Variants in ZNF516 observed in about 807,000 individuals in gnomAD.
ZNF516 encodes zinc finger protein 516.
A neutral mutation model predicts 79.7 loss-of-function variants in ZNF516; 19 were observed. That is an observed-to-expected ratio of 0.24 (90% CI 0.17 to 0.35). The LOEUF (loss-of-function observed/expected upper bound fraction) is 0.35. Ranked by LOEUF, ZNF516 falls within the 10% of genes least tolerant of loss-of-function variation. ZNF516 has a pLI of 1.00. For synonymous variants in ZNF516, 877 were observed against 739.5 expected, an observed-to-expected ratio of 1.19 and a Z score of -3.02; for missense variants, 1,678 against 1,679.5, an observed-to-expected ratio of 1.00 and a Z score of 0.02.
chr18:76,451,597 T>C lies in ZNF516; in HGVS notation c.-157-8386A>G, dbSNP rs1912418068. ...TCTGAAGGACGACTCTCAGACACGG[T>C]TGGTCCCGGCCACAGCTACTACGGG... On this transcript the variant is annotated intron_variant, in intron 2 of 6. Transcript: ENST00000443185. This position sits in a 1 kb window ranked among gnomAD's most constrained non-coding sequence, Gnocchi z 6.0. Among the ~76,000 whole-genome samples, 4 of 152,188 alleles carry C rather than the reference T, an allele frequency of 2.6e-5. No homozygotes were observed. Among genetic ancestry groups the C allele is most frequent in the Admixed American group, 2.0e-4 (3 of 15,282 alleles).
chr18:76,368,878 A>G (rs1383614676), intron 6 of ZNF516, among the ~76,000 whole-genome samples: 2 of 152,220 alleles, frequency 1.3e-5, no homozygotes, highest in Admixed American at 1.3e-4. Context: ...AGAGTTTTTC[A>G]AAGAGGCTTA....
intron 1 of ZNF516, among the ~76,000 whole-genome samples, chr18:76,469,336 A>C (rs1192937194): frequency 6.6e-6 from 1 of 152,200 alleles, no homozygotes; most frequent in Non-Finnish European, 1.5e-5. Flanking sequence ...TTATATCTTT[A>C]TATTTAGAGG....
At chr18:76,418,287 G>A (rs1025050151) in intron 3 of ZNF516, among the ~76,000 whole-genome samples, 12 of 151,266 alleles carry the variant, frequency 7.9e-5, no homozygotes, top group African/African-American at 2.2e-4. Context: ...ACACTGTAAC[G>A]CACTATAACA....
intron 1 of ZNF516, among the ~76,000 whole-genome samples, chr18:76,485,868 TA>T (rs36043507): frequency 0.033 from 4,603 of 138,114 alleles, 203 homozygotes; most frequent in African/African-American, 0.1. Context: ...CTCATTTCTT[TA>T]AAAAAAAAAA....
At chr18:76,408,424 C>A (rs542100829) in intron 3 of ZNF516, among the ~76,000 whole-genome samples, 1 of 152,232 alleles carries the variant, frequency 6.6e-6, no homozygotes, top group Non-Finnish European at 1.5e-5. Context: ...CGGGGTGAAA[C>A]CAGTCACAAG....
At chr18:76,477,441 G>A (rs1416468708) in intron 1 of ZNF516, among the ~76,000 whole-genome samples, 1 of 152,162 alleles carries the variant, frequency 6.6e-6, no homozygotes, top group African/African-American at 2.4e-5. Flanking sequence ...CAATGAGGAA[G>A]CAATTTAACT....
chr18:76,491,674 A>T, intron 1 of ZNF516: 1 of 474,866 alleles, frequency 2.1e-6, no homozygotes, highest in Non-Finnish European at 2.5e-6. Flanking sequence ...CACCGCCCCC[A>T]CCCCGGGGCG....
rs1434202877 is a variant in ZNF516 at position 76,370,533 on chromosome 18, T to C, written c.3427A>G (p.Lys1143Glu). 2 of 1,606,828 alleles carry C rather than the reference T, an allele frequency of 1.2e-6. No individual in the cohort carries two copies. The highest frequency in any genetic ancestry group is 1.7e-6 in the Non-Finnish European group (2 of 1,176,276). ...EVHTTSADAPKQGRDHSNTGT... is the reference protein window; with the variant it reads ...EVHTTSADAPEQGRDHSNTGT... ...CAATTCATCATGAGACCTACTTGTTTGGGGGCGTCTGCGGAGGTGGTATGA... is the reference window on the plus strand; with the variant it reads ...CAATTCATCATGAGACCTACTTGTTCGGGGGCGTCTGCGGAGGTGGTATGA... The change falls in exon 6 of 7, where the codon AAA becomes GAA. Residue 1143 changes from lysine to glutamate, a missense_variant. Around this residue, in one of 5 missense-constraint regions of ZNF516, gnomAD observed 1,294 missense variants for 1,248.3 expected, o/e 1.04. Transcript: ENST00000443185.
chr18:76,381,058 G>A (rs944966099), intron 3 of ZNF516, among the ~76,000 whole-genome samples: 5 of 152,206 alleles, frequency 3.3e-5, no homozygotes, highest in South Asian at 2.1e-4. Flanking sequence ...GGACCTTGAC[G>A]GAGAGCGTGT....
At position 76,422,464 on chromosome 18, in the gene ZNF516, C is replaced by CA. The variant is rs546329509; in HGVS notation, c.1810+18780dup. On this transcript the variant is annotated intron_variant, in intron 3 of 6. Coordinates refer to ENST00000443185, the MANE Select transcript of ZNF516 (RefSeq NM_014643.4). ...AAATGTAGGATTCAGAAATATAGGT[C>CA]AAAAGACAGTTAAAACAACAAGCAC... 3.0e-4 allele frequency among the ~76,000 whole-genome samples: 46 copies of CA among 152,260 alleles called. No individual in the cohort carries two copies. In the East Asian group the frequency reaches 8.7e-3, roughly 29 times the overall value.
At chr18:76,367,362 G>C (rs2074629209) in intron 6 of ZNF516, among the ~76,000 whole-genome samples, 4 of 152,208 alleles carry the variant, frequency 2.6e-5, no homozygotes, top group Admixed American at 2.6e-4. Flanking sequence ...CCCATTCTCA[G>C]TAGCGTGTGA....
chr18:76,383,473 C>T (rs144536991), intron 3 of ZNF516, among the ~76,000 whole-genome samples: 1,386 of 137,636 alleles, frequency 0.01, 48 homozygotes, highest in African/African-American at 0.038. Context: ...CACCAGGCAC[C>T]TTCTCAGCCA....
Position 76,448,062 on chromosome 18 carries a change from C to A in ZNF516, c.-157-4851G>T, listed in dbSNP as rs200096475. ...ACAGGAAGTAAAATGTTTGAAAAAA[C>A]TGTTTACTCATAACATAAAAATACA... On this transcript the variant is annotated intron_variant, in intron 2 of 6. Coordinates refer to ENST00000443185, the MANE Select transcript of ZNF516 (RefSeq NM_014643.4). Among the ~76,000 whole-genome samples, 9 of 152,218 alleles carry A rather than the reference C, an allele frequency of 5.9e-5. No homozygotes were observed. In the East Asian group the frequency reaches 1.5e-3, roughly 26 times the overall value.
At chr18:76,425,070 A>G (rs922546972) in intron 3 of ZNF516, among the ~76,000 whole-genome samples, 1 of 152,134 alleles carries the variant, frequency 6.6e-6, no homozygotes, top group Non-Finnish European at 1.5e-5. Flanking sequence ...TCCCCCTGAA[A>G]AACAGGCAGG....
chr18:76,416,644 A>C (rs1164374650), intron 3 of ZNF516, among the ~76,000 whole-genome samples: 2 of 152,244 alleles, frequency 1.3e-5, no homozygotes, highest in African/African-American at 4.8e-5. Flanking sequence ...CTGAATAGTC[A>C]ATGTGAGGAC....
intron 3 of ZNF516, among the ~76,000 whole-genome samples, chr18:76,383,781 C>G (rs184847661): frequency 6.6e-6 from 1 of 152,356 alleles, no homozygotes; most frequent in South Asian, 2.1e-4. Context: ...TACAGAGAGG[C>G]GCAGGCCCAA....
At chr18:76,490,617 T>C (rs1915116843) in intron 1 of ZNF516, 1 of 322,266 alleles carries the variant, frequency 3.1e-6, no homozygotes, top group Admixed American at 6.5e-5. Flanking sequence ...CTCGGGTCAT[T>C]TTCTTTAATA....
At chr18:76,362,940 A>G (rs1395598670) in intron 6 of ZNF516, among the ~76,000 whole-genome samples, 1 of 152,252 alleles carries the variant, frequency 6.6e-6, no homozygotes, top group Non-Finnish European at 1.5e-5. Flanking sequence ...GTAAAACTGT[A>G]TAGTACAAAG....
chr18:76,496,107 CG>C (rs1915469335), upstream of ZNF516, among the ~76,000 whole-genome samples: 1 of 149,464 alleles, frequency 6.7e-6, no homozygotes, highest in South Asian at 2.1e-4. Flanking sequence ...GACTCCAAAA[CG>C]CTCTCCTGTT....
Sources: allele counts gnomAD v4.1 joint callset (sites outside exome capture counted in the v4.1 genomes callset), GRCh38; gene constraint gnomAD v4.1.1; regional missense constraint gnomAD v4.1.1; non-coding constraint Gnocchi (gnomAD v3.1); transcripts MANE v1.5; gene names NCBI Gene and HGNC (gene_info 2026-07-23, HGNC 2026-07-21).